KLHL1: variants seen among roughly 807,000 people sequenced by gnomAD.
KLHL1 encodes kelch like family member 1.
In KLHL1, 47 loss-of-function variants were observed where a neutral mutation model predicts 77.7. That is an observed-to-expected ratio of 0.60 (90% confidence interval 0.48 to 0.77). The LOEUF (loss-of-function observed/expected upper bound fraction) is 0.77. Among genes scored for constraint, KLHL1 ranks in the 30% least tolerant of loss-of-function variants. The pLI, the probability that KLHL1 is intolerant of heterozygous loss-of-function variation, is 0.00. For missense variants in KLHL1, 925 were observed against 910.8 expected (o/e 1.02, Z -0.20); for synonymous variants, 360 against 325.2 (o/e 1.11, Z -1.15).
intron 7 of KLHL1, among the ~76,000 whole-genome samples, chr13:69,753,868 G>C (rs1458189489): frequency 6.6e-6 from 1 of 151,930 alleles, no homozygotes; most frequent in African/African-American, 2.4e-5. Flanking sequence ...GACCAGTCTT[G>C]CTTTGTCACC....
chr13:70,017,928 TAAGAGTGTAATTTTAAAGGTTAAAGAA>T, intron 1 of KLHL1, among the ~76,000 whole-genome samples: 1 of 152,118 alleles, frequency 6.6e-6, no homozygotes, highest in Non-Finnish European at 1.5e-5. Context: ...TGTATTTAAA[TAAGAGTGTAATTTTAAAGGTTAAAGAA>T]ACGTGAAAAT....
chr13:69,943,066 C>T (rs959904216), intron 3 of KLHL1, among the ~76,000 whole-genome samples: 18 of 151,914 alleles, frequency 1.2e-4, no homozygotes, highest in Non-Finnish European at 2.4e-4. Flanking sequence ...ATTATTTCCC[C>T]TTTATTAGAT....
chr13:69,754,832 C>T (rs184989122), intron 7 of KLHL1, among the ~76,000 whole-genome samples: 12 of 152,136 alleles, frequency 7.9e-5, no homozygotes, highest in East Asian at 3.9e-4. Flanking sequence ...TGCTATTACC[C>T]GAATGTTCCC....
intron 5 of KLHL1, among the ~76,000 whole-genome samples, chr13:69,878,797 C>T (rs1880869287): frequency 6.6e-6 from 1 of 151,970 alleles, no homozygotes; most frequent in Non-Finnish European, 1.5e-5. Flanking sequence ...AAGACACATG[C>T]ACACATATGT....
At chr13:69,931,699 C>CTAG (rs1227716993) in intron 4 of KLHL1, among the ~76,000 whole-genome samples, 2 of 151,460 alleles carry the variant, frequency 1.3e-5, no homozygotes, top group African/African-American at 4.8e-5. Flanking sequence ...GAAATGAAAA[C>CTAG]TTAACTAAGG....
chr13:70,097,170 T>A (rs1281069386), intron 1 of KLHL1, among the ~76,000 whole-genome samples: 1 of 152,004 alleles, frequency 6.6e-6, no homozygotes, highest in East Asian at 1.9e-4. Context: ...TAACATGACA[T>A]TTTGCAACCA....
intron 6 of KLHL1, among the ~76,000 whole-genome samples, chr13:69,810,396 C>T (rs920867001): frequency 6.6e-6 from 1 of 151,882 alleles, no homozygotes; most frequent in African/African-American, 2.4e-5. Context: ...GTTCTCAAAC[C>T]ATACGAATAC....
chr13:69,959,117 T>C (rs1481466619), intron 3 of KLHL1, among the ~76,000 whole-genome samples: 1 of 152,052 alleles, frequency 6.6e-6, no homozygotes, highest in Non-Finnish European at 1.5e-5. Context: ...CAGTGGCAGC[T>C]GAGAGGCATT....
At chr13:69,824,952 C>A (rs1190249118) in intron 6 of KLHL1, among the ~76,000 whole-genome samples, 1 of 151,878 alleles carries the variant, frequency 6.6e-6, no homozygotes, top group Non-Finnish European at 1.5e-5. Flanking sequence ...TAATATGTAT[C>A]CAAATGTGTT....
chr13:69,923,329 G>T (rs138378052), intron 4 of KLHL1, among the ~76,000 whole-genome samples: 1 of 152,166 alleles, frequency 6.6e-6, no homozygotes, highest in Non-Finnish European at 1.5e-5. Context: ...TTGTAGCTTG[G>T]TGGAGGGTGA....
chr13:69,969,105 C>T (rs1884308113), intron 2 of KLHL1, among the ~76,000 whole-genome samples: 1 of 151,640 alleles, frequency 6.6e-6, no homozygotes. Context: ...TGTATTTTAT[C>T]TTACATATAA....
chr13:69,928,962 ATATT>A (rs1322244280), intron 4 of KLHL1, among the ~76,000 whole-genome samples: 1 of 152,118 alleles, frequency 6.6e-6, no homozygotes, highest in Middle Eastern at 3.2e-3. Context: ...AAGTAGAAAA[ATATT>A]TATTCATTCT....
Position 69,813,953 on chromosome 13 carries a change from A to G in KLHL1, c.1415-16991T>C, listed in dbSNP as rs575163397. Among the ~76,000 whole-genome samples, 84 of 152,316 alleles carry G rather than the reference A, an allele frequency of 5.5e-4. No individual in the cohort carries two copies. The Middle Eastern group carries it at 0.014, about 25-fold the overall frequency. On this transcript the variant is annotated intron_variant, in intron 6 of 10. Coordinates refer to ENST00000377844, the MANE Select transcript of KLHL1 (RefSeq NM_020866.3). ...CTAGAATCCAAAGAAATCCTAAGCA[A>G]AAAGAATAAAGTTGGAGGCATCACA...
intron 1 of KLHL1, among the ~76,000 whole-genome samples, chr13:70,023,982 C>A (rs1885868828): frequency 6.6e-6 from 1 of 151,704 alleles, no homozygotes; most frequent in Non-Finnish European, 1.5e-5. Context: ...AATTAGCCTC[C>A]TCAAGCATTT....
At chr13:69,773,840 T>C (rs1252153148) in intron 7 of KLHL1, among the ~76,000 whole-genome samples, 1 of 150,284 alleles carries the variant, frequency 6.7e-6, no homozygotes, top group African/African-American at 2.5e-5. Context: ...ATTTTCTCTC[T>C]GGCACCCAGA....
At chr13:69,862,742 A>C (rs531997410) in intron 5 of KLHL1, among the ~76,000 whole-genome samples, 1 of 152,110 alleles carries the variant, frequency 6.6e-6, no homozygotes, top group East Asian at 1.9e-4. Flanking sequence ...AGGAAGAGAG[A>C]GATCTCTCTC....
chr13:69,902,482 G>T lies in KLHL1; in HGVS notation c.1015-19987C>A, dbSNP rs186703523. Among the ~76,000 whole-genome samples, 15 of 152,206 alleles carry T rather than the reference G, an allele frequency of 9.9e-5. 1 individual carries two copies. In the East Asian group the frequency reaches 2.5e-3, roughly 26 times the overall value. ...AACATTTTAAAGGGTAAATAGTGAA[G>T]AATTAAAATAATTTTGGAGAACTAC... On this transcript the variant is annotated intron_variant, in intron 4 of 10. Coordinates refer to ENST00000377844, the MANE Select transcript of KLHL1 (RefSeq NM_020866.3).
intron 7 of KLHL1, among the ~76,000 whole-genome samples, chr13:69,773,530 A>G (rs1476747837): frequency 2.6e-5 from 4 of 152,018 alleles, no homozygotes; most frequent in Non-Finnish European, 5.9e-5. Flanking sequence ...GTAATAAGAG[A>G]ACATGTAGAA....
At chr13:69,937,119 A>G (rs61964162) in intron 4 of KLHL1, among the ~76,000 whole-genome samples, 3,857 of 152,294 alleles carry the variant, frequency 0.025, 65 homozygotes, top group Non-Finnish European at 0.041. Context: ...TTTGGAGGGA[A>G]GTAGCAATGA....
Sources: allele counts gnomAD v4.1 joint callset (sites outside exome capture counted in the v4.1 genomes callset), GRCh38; gene constraint gnomAD v4.1.1; transcripts MANE v1.5; gene names NCBI Gene and HGNC (gene_info 2026-07-23, HGNC 2026-07-21).